FMN1: variants seen among roughly 807,000 people sequenced by gnomAD.
The protein encoded by FMN1 is formin-1.
In FMN1, 110 loss-of-function variants were observed where a neutral mutation model predicts 132.4. The observed-to-expected ratio is 0.83, with a 90% CI of 0.71 to 0.97. The LOEUF (loss-of-function observed/expected upper bound fraction) is 0.97. Ranked by LOEUF, FMN1 falls within the 50% of genes least tolerant of loss-of-function variation. FMN1 has a pLI of 0.00. For synonymous variants in FMN1, 722 were observed against 651.7 expected, an observed-to-expected ratio of 1.11 and a Z score of -1.64; for missense variants, 1,792 against 1,705.3, an observed-to-expected ratio of 1.05 and a Z score of -0.90.
intron 15 of FMN1, among the ~76,000 whole-genome samples, chr15:32,890,588 G>C (rs1326591712): frequency 6.6e-6 from 1 of 152,168 alleles, no homozygotes; most frequent in African/African-American, 2.4e-5. Flanking sequence ...GTCCATTCAT[G>C]TACTTCGCCG....
At chr15:32,996,094 T>TGATA (rs961965060) in intron 7 of FMN1, among the ~76,000 whole-genome samples, 1 of 152,254 alleles carries the variant, frequency 6.6e-6, no homozygotes, top group Non-Finnish European at 1.5e-5. Flanking sequence ...ACAATAGTTA[T>TGATA]GATAGATAGG....
chr15:32,940,681 A>C (rs1018854866), intron 9 of FMN1, among the ~76,000 whole-genome samples: 15 of 152,052 alleles, frequency 9.9e-5, no homozygotes, highest in African/African-American at 3.4e-4. Context: ...TTTTTTTCCG[A>C]AACAAAAATC....
At chr15:32,899,786 A>G (rs2060250442) in intron 14 of FMN1, 193 bp downstream of exon 14, 3 of 394,462 alleles carry the variant, frequency 7.6e-6, no homozygotes, top group South Asian at 3.0e-5. Flanking sequence ...GTCTAACGTG[A>G]AAAAAAAAAA....
chr15:32,851,205 G>A lies in FMN1; in HGVS notation c.3928+5810C>T, dbSNP rs574723988. Among the ~76,000 whole-genome samples the A allele has an allele frequency of 2.2e-3, 335 of 152,342 alleles. 2 individuals carry two copies. The highest frequency in any genetic ancestry group is 4.2e-3 in the Non-Finnish European group (284 of 68,034). On this transcript the variant is annotated intron_variant, in intron 17 of 20. Coordinates refer to ENST00000616417, the MANE Select transcript of FMN1 (RefSeq NM_001277313.2). ...ATTTGGCTCCATTCATGGATGCCAAGCGAAATTAACGGAGAATGAGATAAG... is the reference window on the plus strand; with the variant it reads ...ATTTGGCTCCATTCATGGATGCCAAACGAAATTAACGGAGAATGAGATAAG...
intron 8 of FMN1, among the ~76,000 whole-genome samples, chr15:32,965,394 C>T (rs759236198): frequency 8.6e-5 from 13 of 152,038 alleles, no homozygotes; most frequent in South Asian, 2.1e-4. Context: ...AACAAGAGTC[C>T]ATCTCAAAAA....
At chr15:32,885,201 C>A (rs1032252182) in intron 16 of FMN1, among the ~76,000 whole-genome samples, 3 of 152,348 alleles carry the variant, frequency 2.0e-5, no homozygotes, top group Admixed American at 1.3e-4. Context: ...TGGACTTCTT[C>A]CCCTTTCCAA....
At chr15:33,144,412 G>A (rs1226843003) in intron 4 of FMN1, among the ~76,000 whole-genome samples, 4 of 152,038 alleles carry the variant, frequency 2.6e-5, no homozygotes, top group East Asian at 1.9e-4. Flanking sequence ...CGAGGTGGGC[G>A]GATCATGAGG....
intron 4 of FMN1, among the ~76,000 whole-genome samples, chr15:33,103,239 TAGC>T (rs2039361095): frequency 6.6e-6 from 1 of 152,122 alleles, no homozygotes; most frequent in Non-Finnish European, 1.5e-5. Flanking sequence ...ATAGACTCTG[TAGC>T]AGAACAGTTT....
In FMN1 at chr15:33,186,173, TA is replaced by T. The variant is rs534215403; in HGVS notation, c.-196-5912del. 4.1e-3 allele frequency among the ~76,000 whole-genome samples: 563 copies of T among 135,964 alleles called. 1 individual carries two copies. The highest frequency in any genetic ancestry group is 8.6e-3 in the East Asian group (41 of 4,742). 89.2% of individuals were successfully genotyped at this position (135,964 alleles called of 152,430 possible). On this transcript the variant is annotated intron_variant, in intron 2 of 20. Coordinates refer to ENST00000616417, the MANE Select transcript of FMN1 (RefSeq NM_001277313.2). ...ATGGCCTTCCAGACAGCTCTAAATG[TA>T]AAAAAAAAAAAAAACCTCTCCTTTT...
At chr15:33,000,914 CTAGTT>C (rs2034064896) in intron 7 of FMN1, among the ~76,000 whole-genome samples, 1 of 152,176 alleles carries the variant, frequency 6.6e-6, no homozygotes, top group African/African-American at 2.4e-5. Context: ...TTGGGAAAAG[CTAGTT>C]TAGACCACCC....
At chr15:32,871,306 C>G (rs1462974063) in intron 16 of FMN1, among the ~76,000 whole-genome samples, 2 of 152,174 alleles carry the variant, frequency 1.3e-5, no homozygotes, top group South Asian at 2.1e-4. Context: ...GTCTGGGCCT[C>G]GGTATCGCGC....
intron 16 of FMN1, among the ~76,000 whole-genome samples, chr15:32,866,677 T>C (rs2059400419): frequency 6.6e-6 from 1 of 152,220 alleles, no homozygotes; most frequent in South Asian, 2.1e-4. Context: ...TCCTATTTCT[T>C]GTTTCATGAC....
intron 2 of FMN1, among the ~76,000 whole-genome samples, chr15:33,183,206 T>C (rs1285463227): frequency 1.3e-5 from 2 of 152,248 alleles, no homozygotes; most frequent in Non-Finnish European, 2.9e-5. Flanking sequence ...GGATATTACT[T>C]ACTGAGACTC....
At position 33,067,653 on chromosome 15, in the gene FMN1, A is replaced by C; in HGVS notation, c.2044-2579T>G. On this transcript the variant is annotated intron_variant, in intron 5 of 20. Transcript: ENST00000616417. ...CGAGACCCTGCTTCCTGTGGATCCA[A>C]GCCATTGCTGGAATCATCCTGCTGA... 4 of 1,613,986 alleles carry C rather than the reference A, an allele frequency of 2.5e-6. No homozygotes were observed. The Middle Eastern group carries it at 6.6e-4, about 266-fold the overall frequency.
chr15:32,959,351 G>A (rs2030234655), intron 9 of FMN1, among the ~76,000 whole-genome samples: 2 of 152,174 alleles, frequency 1.3e-5, no homozygotes, highest in African/African-American at 2.4e-5. Context: ...GAGACCAAGG[G>A]ATCCATCTTG....
Position 32,774,159 on chromosome 15 carries a change from G to T in FMN1, c.*151C>A. On this transcript the variant is annotated 3_prime_UTR_variant, in exon 21 of 21. Transcript: ENST00000616417. ...GAGGGACTTCTTAAAGAAGGCATGG[G>T]GCACTCTCTGCAGATGACCTCAGAA... is the stretch of plus-strand genomic sequence containing the variant. 1 of 662,334 alleles carries T rather than the reference G, an allele frequency of 1.5e-6. No individual in the cohort carries two copies. Among genetic ancestry groups the T allele is most frequent in the Non-Finnish European group, 2.7e-6 (1 of 373,940 alleles). 41.0% of individuals were successfully genotyped at this position (662,334 alleles called of 1,614,324 possible). A position where few individuals can be genotyped will look rare whatever the true frequency, so the allele number is the denominator to read the frequency against.
intron 2 of FMN1, among the ~76,000 whole-genome samples, chr15:33,185,322 T>C (rs150459540): frequency 9.9e-5 from 15 of 152,282 alleles, no homozygotes; most frequent in African/African-American, 3.6e-4. Flanking sequence ...GGTAGTCCTA[T>C]TGGTTCCTTA....
intron 9 of FMN1, among the ~76,000 whole-genome samples, chr15:32,951,424 GACACAC>G (rs3081377): frequency 0.16 from 24,558 of 148,882 alleles, 2,216 homozygotes; most frequent in African/African-American, 0.27. Flanking sequence ...GCCCCAGTGG[GACACAC>G]ACACACACAC....
At chr15:32,982,143 A>G (rs1055508172) in intron 7 of FMN1, among the ~76,000 whole-genome samples, 118 of 152,366 alleles carry the variant, frequency 7.7e-4, no homozygotes, top group Non-Finnish European at 2.4e-4. Context: ...AAAGATGTTC[A>G]ACATCACTAG....
Sources: allele counts gnomAD v4.1 joint callset (sites outside exome capture counted in the v4.1 genomes callset), GRCh38; gene constraint gnomAD v4.1.1; transcripts MANE v1.5; gene names NCBI Gene and HGNC (gene_info 2026-07-23, HGNC 2026-07-21).